LARP6: variants seen among roughly 807,000 people sequenced by gnomAD.
The protein encoded by LARP6 is la-related protein 6.
LARP6 carries 18 observed loss-of-function variants against 32.8 expected under a neutral mutation model. That is an observed-to-expected ratio of 0.55 (90% CI 0.38 to 0.81). LARP6 has a LOEUF of 0.81. LARP6 is among the 40% of genes least tolerant of loss of function. The pLI, the probability that LARP6 is intolerant of heterozygous loss-of-function variation, is 0.00. For synonymous variants in LARP6, 289 were observed against 267.2 expected (o/e 1.08, Z -0.80); for missense variants, 598 against 663.1 (o/e 0.90, Z 1.08).
chr15:70,852,180 A>T lies in LARP6; in HGVS notation c.200+1709T>A, dbSNP rs1050105526. The T allele has an allele frequency of 1.7e-5, 7 of 406,252 alleles. No homozygotes were observed. The Admixed American group carries it at 2.0e-4, about 11-fold the overall frequency. The allele number at this position is 406,252 out of a possible 1,614,324, so 25.2% of individuals were successfully genotyped here. ...TAGTGTGGATCCTGTTCTTGGCTAC[A>T]TCTCCTCCTGCTCTGGGTGCCTGCC... On this transcript the variant is annotated intron_variant, in intron 1 of 2. Coordinates refer to ENST00000299213, the MANE Select transcript of LARP6 (RefSeq NM_018357.4).
At chr15:70,852,410 G>T (rs887474971) in intron 1 of LARP6, 11 of 354,090 alleles carry the variant, frequency 3.1e-5, no homozygotes, top group Admixed American at 1.4e-4. Flanking sequence ...CTCCATAGGG[G>T]ATCTTTCCAG....
intron 1 of LARP6, chr15:70,851,895 G>C: frequency 1.1e-6 from 1 of 948,126 alleles, no homozygotes. Flanking sequence ...CAGTCAATCA[G>C]AGGACCTAGA....
At chr15:70,835,411 C>T (rs535402701) in intron 2 of LARP6, among the ~76,000 whole-genome samples, 1 of 152,296 alleles carries the variant, frequency 6.6e-6, no homozygotes, top group African/African-American at 2.4e-5. Context: ...CATCCTGCGC[C>T]TAGCACAGCA....
chr15:70,841,504 T>C (rs534495019), intron 1 of LARP6, among the ~76,000 whole-genome samples: 1 of 152,322 alleles, frequency 6.6e-6, no homozygotes, highest in East Asian at 1.9e-4. Context: ...ATGTATGTCT[T>C]AGGCAGATCT....
In LARP6 at chr15:70,831,885, C is replaced by T. The variant is rs991705854; in HGVS notation, c.*167G>A. The T allele has an allele frequency of 6.5e-6, 3 of 458,468 alleles. No individual in the cohort carries two copies. Among genetic ancestry groups the T allele is most frequent in the African/African-American group, 6.1e-5 (3 of 49,552 alleles). The allele number at this position is 458,468 out of a possible 1,614,324, so 28.4% of individuals were successfully genotyped here. On this transcript the variant is annotated 3_prime_UTR_variant, in exon 3 of 3. Coordinates refer to ENST00000299213, the MANE Select transcript of LARP6 (RefSeq NM_018357.4). Reference sequence around the variant, plus strand: ...CTGAACTAGAAGGTGGTCTTCAAACCATGGCGTACCGATTTATGTATATTA... The same window carrying T: ...CTGAACTAGAAGGTGGTCTTCAAACTATGGCGTACCGATTTATGTATATTA...
chr15:70,852,236 C>T lies in LARP6; in HGVS notation c.200+1653G>A, dbSNP rs756219415. ...GGCTCTGTCAGCTCACCGAAGAACC[C>T]CAGGGATTTTCTGGGGTCAACTCTA... is the stretch of plus-strand genomic sequence containing the variant. On this transcript the variant is annotated intron_variant, in intron 1 of 2. Coordinates refer to ENST00000299213, the MANE Select transcript of LARP6 (RefSeq NM_018357.4). 21 of 454,766 alleles carry T rather than the reference C, an allele frequency of 4.6e-5. No individual in the cohort carries two copies. The East Asian group carries it at 7.0e-4, about 15-fold the overall frequency. The allele number at this position is 454,766 out of a possible 1,614,324, so 28.2% of individuals were successfully genotyped here. A position where few individuals can be genotyped will look rare whatever the true frequency, so the allele number is the denominator to read the frequency against.
rs1366791206 is a variant in LARP6, at chr15:70,831,846, GAAGAAC to G, written c.*200_*205del. Reference sequence around the variant, plus strand: ...ATCATCAAAATAGTGGCCATGCTGGGAAGAACAGGAGTCCTGAACTAGAAGGTGGTC... The same window carrying G: ...ATCATCAAAATAGTGGCCATGCTGGGAGGAGTCCTGAACTAGAAGGTGGTC... On this transcript the variant is annotated 3_prime_UTR_variant, in exon 3 of 3. Coordinates refer to ENST00000299213, the MANE Select transcript of LARP6 (RefSeq NM_018357.4). The G allele has an allele frequency of 5.0e-6, 2 of 397,392 alleles. No individual in the cohort carries two copies. The highest frequency in any genetic ancestry group is 8.9e-6 in the Non-Finnish European group (2 of 225,208). The allele number at this position is 397,392 out of a possible 1,614,324, so 24.6% of individuals were successfully genotyped here. A position where few individuals can be genotyped will look rare whatever the true frequency, so the allele number is the denominator to read the frequency against.
Position 70,832,683 on chromosome 15 carries a change from C to T in LARP6, c.845G>A (p.Gly282Asp), listed in dbSNP as rs374231916. The change falls in exon 3 of 3, where the codon GGC (glycine) becomes GAC (aspartate). Residue 282 changes from glycine to aspartate, a missense_variant. By Grantham distance (94) the Gly-to-Asp change is moderately conservative. Transcript: ENST00000299213. ...CAGGACAGCTTTCATGTTCTCTTTGCCCTGAGATTCTGTGATCATGAACTC... is the reference window on the plus strand; with the variant it reads ...CAGGACAGCTTTCATGTTCTCTTTGTCCTGAGATTCTGTGATCATGAACTC... ...AHEFMITESQ[G>D]KENMKAVLIG... is the part of the protein sequence containing the mutation. 7 of 1,606,502 alleles carry T rather than the reference C, an allele frequency of 4.4e-6. No individual in the cohort carries two copies. Among genetic ancestry groups the T allele is most frequent in the Non-Finnish European group, 5.1e-6 (6 of 1,177,736 alleles).
Position 70,832,579 on chromosome 15 carries a change from T to G in LARP6, c.949A>C (p.Asn317His). The change falls in exon 3 of 3, where the codon AAC (asparagine) becomes CAC (histidine). Residue 317 changes from asparagine (N) to histidine (H), a missense_variant. Asn to His is a moderately conservative substitution (Grantham distance 68). Transcript: ENST00000299213. The stretch of plus-strand genomic sequence containing the variant: ...TCGACTCTCTTGTTCAGGGACTTGT[T>G]CAGGTGGATGCTCGCAGTGGGCTCC... ...DEEPTASIHL[N>H]KSLNKRVEEL... The G allele has an allele frequency of 6.3e-7, 1 of 1,585,338 alleles. No homozygotes were observed. Among genetic ancestry groups the G allele is most frequent in the Non-Finnish European group, 8.6e-7 (1 of 1,168,546 alleles).
intron 1 of LARP6, among the ~76,000 whole-genome samples, chr15:70,850,072 T>C (rs2032421187): frequency 6.6e-6 from 1 of 152,098 alleles, no homozygotes; most frequent in South Asian, 2.1e-4. Flanking sequence ...GAAAAGTCAT[T>C]GGGGAAAGAA....
At chr15:70,837,529 T>C (rs978213883) in intron 1 of LARP6, among the ~76,000 whole-genome samples, 3 of 152,212 alleles carry the variant, frequency 2.0e-5, no homozygotes, top group Non-Finnish European at 4.4e-5. Flanking sequence ...TAGAAGACAG[T>C]ATAGCAGAGT....
intron 2 of LARP6, 74 bp downstream of exon 2, chr15:70,836,220 TA>T (rs1435424727): frequency 3.3e-4 from 425 of 1,287,340 alleles, no homozygotes; most frequent in Middle Eastern, 5.6e-4. Flanking sequence ...TCAAGGGAGT[TA>T]AAAAAAATGT....
intron 1 of LARP6, among the ~76,000 whole-genome samples, chr15:70,843,920 T>C (rs942935568): frequency 1.3e-5 from 2 of 149,910 alleles, no homozygotes; most frequent in Non-Finnish European, 3.0e-5. Context: ...CCTCCCAAAG[T>C]GCTAGGATTA....
At chr15:70,840,831 C>A (rs974145622) in intron 1 of LARP6, among the ~76,000 whole-genome samples, 4 of 151,730 alleles carry the variant, frequency 2.6e-5, no homozygotes, top group Non-Finnish European at 5.9e-5. Flanking sequence ...CAAACTAGAG[C>A]AATAGATGCT....
chr15:70,846,349 C>T (rs1567022960), intron 1 of LARP6, among the ~76,000 whole-genome samples: 4 of 152,294 alleles, frequency 2.6e-5, no homozygotes, highest in African/African-American at 4.8e-5. Context: ...TGGCTCACGC[C>T]TGTAATCCCA....
At chr15:70,840,435 G>C (rs1022981557) in intron 1 of LARP6, among the ~76,000 whole-genome samples, 2 of 152,126 alleles carry the variant, frequency 1.3e-5, no homozygotes, top group Admixed American at 1.3e-4. Flanking sequence ...AGCTACTCAG[G>C]AGGCTGAGGC....
chr15:70,841,407 C>T (rs1407619869), intron 1 of LARP6, among the ~76,000 whole-genome samples: 1 of 152,188 alleles, frequency 6.6e-6, no homozygotes, highest in African/African-American at 2.4e-5. Context: ...TTCGCTCCAG[C>T]TTGTTCTGTG....
At chr15:70,842,115 A>G (rs2032269432) in intron 1 of LARP6, among the ~76,000 whole-genome samples, 1 of 152,028 alleles carries the variant, frequency 6.6e-6, no homozygotes, top group Admixed American at 6.6e-5. Flanking sequence ...GCATGAACAC[A>G]GCTCACTGCA....
rs2141048078 is a variant in LARP6, at chr15:70,832,563, T to C, written c.965A>G (p.Lys322Arg). The C allele has an allele frequency of 6.4e-7, 1 of 1,570,918 alleles. No individual in the cohort carries two copies. The highest frequency in any genetic ancestry group is 8.6e-7 in the Non-Finnish European group (1 of 1,163,640). The stretch of plus-strand genomic sequence containing the variant: ...CATGTACTGAAGCTCCTCGACTCTC[T>C]TGTTCAGGGACTTGTTCAGGTGGAT... ...ASIHLNKSLN[K>R]RVEELQYMGD... The change falls in exon 3 of 3, where the codon AAG becomes AGG. Residue 322 changes from lysine to arginine, a missense_variant. Coordinates refer to ENST00000299213, the MANE Select transcript of LARP6 (RefSeq NM_018357.4).
Sources: gnomAD v4.1 joint callset for allele counts (sites outside exome capture counted in the v4.1 genomes callset) on GRCh38, gnomAD v4.1.1 for gene constraint, MANE v1.5 for transcripts, NCBI Gene and HGNC (gene_info 2026-07-23, HGNC 2026-07-21) for gene names.